Variants in PUM2 observed in about 807,000 individuals in gnomAD.
The protein encoded by PUM2 is pumilio homolog 2.
Under a neutral mutation model 124.5 loss-of-function variants are expected in PUM2, and 57 were observed. That is an observed-to-expected ratio of 0.46 (90% CI 0.37 to 0.57). The LOEUF (loss-of-function observed/expected upper bound fraction) is 0.57. Ranked by LOEUF, PUM2 falls within the 20% of genes least tolerant of loss-of-function variation. PUM2 has a pLI of 0.00. For synonymous variants in PUM2, 460 were observed against 446.1 expected, an observed-to-expected ratio of 1.03 and a Z score of -0.39; for missense variants, 1,065 against 1,290.6, an observed-to-expected ratio of 0.83 and a Z score of 2.68.
intron 14 of PUM2, among the ~76,000 whole-genome samples, chr2:20,261,053 C>G (rs1022186569): frequency 2.0e-4 from 30 of 152,086 alleles, no homozygotes; most frequent in Admixed American, 2.0e-3. Flanking sequence ...ATACGTTACT[C>G]AGGTGTTCAT....
intron 13 of PUM2, among the ~76,000 whole-genome samples, chr2:20,269,189 T>TTAATAA (rs534926011): frequency 6.6e-6 from 1 of 151,706 alleles, no homozygotes; most frequent in East Asian, 1.9e-4. Flanking sequence ...GAATAAAATT[T>TTAATAA]TAATAATAAT....
At chr2:20,290,997 T>C (rs1478617580) in intron 9 of PUM2, among the ~76,000 whole-genome samples, 1 of 152,148 alleles carries the variant, frequency 6.6e-6, no homozygotes, top group Non-Finnish European at 1.5e-5. Context: ...GAACAATCTA[T>C]AAAGCAACAT....
At chr2:20,304,610 AG>A in intron 7 of PUM2, among the ~76,000 whole-genome samples, 1 of 152,326 alleles carries the variant, frequency 6.6e-6, no homozygotes, top group African/African-American at 2.4e-5. Context: ...TGGTATGCAA[AG>A]CTTTAAATAT....
intron 7 of PUM2, among the ~76,000 whole-genome samples, chr2:20,302,219 T>C (rs780162104): frequency 1.4e-4 from 21 of 152,184 alleles, no homozygotes; most frequent in Non-Finnish European, 2.4e-4. Context: ...CTTTCCTGTT[T>C]CTGTCATATA....
chr2:20,343,992 T>C (rs1419039265), intron 1 of PUM2, among the ~76,000 whole-genome samples: 1 of 152,080 alleles, frequency 6.6e-6, no homozygotes, highest in Non-Finnish European at 1.5e-5. Context: ...GGCAACAGAG[T>C]TGTAATAGAA....
intron 12 of PUM2, among the ~76,000 whole-genome samples, chr2:20,281,471 GCTCT>G (rs1054994431): frequency 6.6e-6 from 1 of 152,100 alleles, no homozygotes; most frequent in Admixed American, 6.5e-5. Flanking sequence ...TTTAATCAAT[GCTCT>G]CTTTTTTCTG....
intron 14 of PUM2, among the ~76,000 whole-genome samples, chr2:20,260,735 G>A (rs191369358): frequency 5.3e-5 from 8 of 152,150 alleles, no homozygotes; most frequent in South Asian, 2.1e-4. Context: ...AGAAAATTAC[G>A]TAAATTTTGC....
chr2:20,290,327 T>A (rs1280181127), intron 10 of PUM2, among the ~76,000 whole-genome samples: 2 of 152,216 alleles, frequency 1.3e-5, no homozygotes, highest in Non-Finnish European at 2.9e-5. Context: ...TTGTCTTGCA[T>A]ACCAACTCTC....
At chr2:20,328,999 G>A (rs542532831) in intron 1 of PUM2, among the ~76,000 whole-genome samples, 22 of 151,858 alleles carry the variant, frequency 1.4e-4, no homozygotes, top group Middle Eastern at 3.4e-3. Flanking sequence ...GGCGACACTC[G>A]ATTTTTACAA....
At chr2:20,312,173 A>T in intron 4 of PUM2, 63 bp downstream of exon 4, 1 of 1,402,788 alleles carries the variant, frequency 7.1e-7, no homozygotes, top group South Asian at 1.3e-5. Flanking sequence ...ATTAAAAATA[A>T]AAGTAACGTA....
chr2:20,277,139 G>A (rs985129234), intron 13 of PUM2, among the ~76,000 whole-genome samples: 2 of 152,048 alleles, frequency 1.3e-5, no homozygotes, highest in African/African-American at 4.8e-5. Flanking sequence ...ACAAGAATCT[G>A]ATCTGAAACT....
intron 3 of PUM2, among the ~76,000 whole-genome samples, chr2:20,314,396 A>AT (rs1188691902): frequency 6.6e-6 from 1 of 152,168 alleles, no homozygotes; most frequent in Admixed American, 6.5e-5. Context: ...CATTTGATAT[A>AT]TTTTTTCTCC....
chr2:20,268,777 T>C (rs939495569), intron 13 of PUM2, among the ~76,000 whole-genome samples: 1 of 152,184 alleles, frequency 6.6e-6, no homozygotes, highest in Non-Finnish European at 1.5e-5. Flanking sequence ...ATGACTCAAA[T>C]GTGTGGGGCA....
chr2:20,285,593 T>C (rs1672543214), intron 10 of PUM2, among the ~76,000 whole-genome samples: 1 of 152,170 alleles, frequency 6.6e-6, no homozygotes, highest in African/African-American at 2.4e-5. Context: ...CATGATATTT[T>C]TTCCCACTCT....
Position 20,268,199 on chromosome 2 carries a change from C to T in PUM2, c.1958-4739G>A, listed in dbSNP as rs1191844816. On this transcript the variant is annotated intron_variant, in intron 13 of 20. Transcript: ENST00000361078. Reference sequence around the variant, plus strand: ...CTTAAGACATAGATAATTACTCCTTCTGGAAAATCCACCTGAAGGATATTC... The same window carrying T: ...CTTAAGACATAGATAATTACTCCTTTTGGAAAATCCACCTGAAGGATATTC... 2.0e-5 allele frequency among the ~76,000 whole-genome samples: 3 copies of T among 152,194 alleles called. No individual in the cohort carries two copies. In the East Asian group the frequency reaches 5.8e-4, roughly 29 times the overall value.
At chr2:20,308,628 G>C (rs758246679) in intron 5 of PUM2, 44 bp from the exon 6 acceptor site, 5 of 1,509,702 alleles carry the variant, frequency 3.3e-6, no homozygotes, top group South Asian at 1.3e-5. Flanking sequence ...AAAGTAACAA[G>C]TCAAATAGCG....
At chr2:20,291,053 T>C (rs1009290406) in intron 9 of PUM2, among the ~76,000 whole-genome samples, 2 of 152,194 alleles carry the variant, frequency 1.3e-5, no homozygotes, top group African/African-American at 4.8e-5. Flanking sequence ...CTAATATCTG[T>C]GCTCTTTAAC....
intron 7 of PUM2, among the ~76,000 whole-genome samples, chr2:20,300,044 GT>G (rs1676582214): frequency 1.3e-5 from 2 of 152,198 alleles, no homozygotes; most frequent in Non-Finnish European, 2.9e-5. Flanking sequence ...AATAGACTCT[GT>G]TCCTTAACAG....
intron 7 of PUM2, among the ~76,000 whole-genome samples, chr2:20,304,666 A>C (rs1157087710): frequency 6.6e-6 from 1 of 152,196 alleles, no homozygotes; most frequent in Non-Finnish European, 1.5e-5. Flanking sequence ...TCACACTCTA[A>C]AAATTTTCCA....
Sources: allele counts gnomAD v4.1 joint callset (sites outside exome capture counted in the v4.1 genomes callset), GRCh38; gene constraint gnomAD v4.1.1; transcripts MANE v1.5; gene names NCBI Gene and HGNC (gene_info 2026-07-23, HGNC 2026-07-21).